The following FAF1 variants were observed in gnomAD, a reference collection of about 807,000 sequenced individuals.
FAF1 encodes Fas associated factor 1, also known as FAS-associated factor 1.
A neutral mutation model predicts 92.5 loss-of-function variants in FAF1; 25 were observed. The observed-to-expected ratio is 0.27, with a 90% CI of 0.20 to 0.38. The LOEUF is 0.38. Among genes scored for constraint, FAF1 ranks in the 10% least tolerant of loss-of-function variants. The pLI is 1.00. For missense variants in FAF1, 636 were observed against 793.3 expected (o/e 0.80, Z 2.38); for synonymous variants, 234 against 273.2 (o/e 0.86, Z 1.42).
chr1:50,540,799 T>C (rs1471699449), intron 13 of FAF1, among the ~76,000 whole-genome samples: 1 of 152,148 alleles, frequency 6.6e-6, no homozygotes, highest in Admixed American at 6.6e-5. Flanking sequence ...TCCAATTTAA[T>C]AAAGTCTGTA....
At chr1:50,458,098 A>T (rs1382924604) in intron 18 of FAF1, among the ~76,000 whole-genome samples, 1 of 152,030 alleles carries the variant, frequency 6.6e-6, no homozygotes, top group African/African-American at 2.4e-5. Flanking sequence ...CTGTAATCCC[A>T]GCTACTTGGG....
At chr1:50,610,229 A>T (rs966355705) in intron 8 of FAF1, among the ~76,000 whole-genome samples, 1 of 152,194 alleles carries the variant, frequency 6.6e-6, no homozygotes, top group Non-Finnish European at 1.5e-5. Flanking sequence ...TATGATCCAT[A>T]TGATGATATG....
At chr1:50,561,706 G>C (rs558600800) in intron 13 of FAF1, among the ~76,000 whole-genome samples, 1 of 152,190 alleles carries the variant, frequency 6.6e-6, no homozygotes, top group Admixed American at 6.5e-5. Flanking sequence ...CACACCTGTA[G>C]TTCCAGCTAC....
intron 2 of FAF1, among the ~76,000 whole-genome samples, chr1:50,841,766 G>C (rs557606779): frequency 2.0e-5 from 3 of 152,038 alleles, no homozygotes; most frequent in African/African-American, 4.8e-5. Context: ...TTTTTTTTAA[G>C]TTATTAAGGT....
intron 2 of FAF1, among the ~76,000 whole-genome samples, chr1:50,844,540 T>A (rs1454567940): frequency 6.6e-6 from 1 of 150,930 alleles, no homozygotes; most frequent in African/African-American, 2.4e-5. Flanking sequence ...AAACTGTTTG[T>A]CATATCTAGT....
At chr1:50,753,870 G>A (rs1291747052) in intron 4 of FAF1, among the ~76,000 whole-genome samples, 2 of 149,570 alleles carry the variant, frequency 1.3e-5, no homozygotes, top group Non-Finnish European at 3.0e-5. Flanking sequence ...CAATTCTCTT[G>A]CCTCAGTCTC....
chr1:50,483,168 A>G (rs978610401), intron 17 of FAF1, among the ~76,000 whole-genome samples: 13 of 152,230 alleles, frequency 8.5e-5, no homozygotes, highest in African/African-American at 3.1e-4. Context: ...GTGATGCAAT[A>G]TATGAATTGA....
chr1:50,893,918 TCCCATACTTCCCTCC>T (rs1350170494), intron 1 of FAF1, among the ~76,000 whole-genome samples: 27 of 152,080 alleles, frequency 1.8e-4, no homozygotes, highest in Non-Finnish European at 3.1e-4. Flanking sequence ...CTACAGTCCT[TCCCATACTTCCCTCC>T]CCTTTCCATA....
intron 8 of FAF1, among the ~76,000 whole-genome samples, chr1:50,614,264 G>A (rs1288634934): frequency 1.3e-5 from 2 of 152,082 alleles, no homozygotes; most frequent in African/African-American, 2.4e-5. Context: ...ACTTATTTAC[G>A]TCAATGCCAC....
intron 8 of FAF1, among the ~76,000 whole-genome samples, chr1:50,629,763 G>A (rs1653676335): frequency 6.6e-6 from 1 of 152,012 alleles, no homozygotes; most frequent in Non-Finnish European, 1.5e-5. Context: ...GAAGATTAAA[G>A]ATAAAACATA....
At chr1:50,542,829 A>T (rs9804131) in intron 13 of FAF1, among the ~76,000 whole-genome samples, 4,686 of 152,300 alleles carry the variant, frequency 0.031, 252 homozygotes, top group African/African-American at 0.11. Flanking sequence ...AAATGCTAAA[A>T]TTACAAATTT....
chr1:50,696,119 T>C (rs561672629), intron 7 of FAF1, among the ~76,000 whole-genome samples: 104 of 152,306 alleles, frequency 6.8e-4, no homozygotes, highest in Non-Finnish European at 1.3e-3. Flanking sequence ...AGGTATTACA[T>C]GTGTAAGATA....
At chr1:50,850,915 T>C (rs1018864399) in intron 2 of FAF1, among the ~76,000 whole-genome samples, 3 of 152,206 alleles carry the variant, frequency 2.0e-5, no homozygotes, top group Admixed American at 1.3e-4. Context: ...CAAGGCATCA[T>C]ATTTACAGGT....
At chr1:50,452,125 A>G (rs771214860) in intron 18 of FAF1, 56 of 1,350,022 alleles carry the variant, frequency 4.1e-5, no homozygotes, top group Non-Finnish European at 4.0e-5. Context: ...GAATGAGAAT[A>G]AAGAACATAA....
At chr1:50,555,295 C>CA (rs1557993278) in intron 13 of FAF1, among the ~76,000 whole-genome samples, 150 of 129,654 alleles carry the variant, frequency 1.2e-3, no homozygotes, top group African/African-American at 1.8e-3. Flanking sequence ...ACACACACAC[C>CA]CCCCAAAATA....
chr1:50,694,003 A>C (rs1016920158), intron 7 of FAF1, among the ~76,000 whole-genome samples: 7 of 151,984 alleles, frequency 4.6e-5, no homozygotes, highest in Non-Finnish European at 1.0e-4. Context: ...GTGTCATTAT[A>C]TATATACATG....
chr1:50,759,301 TC>T (rs1378389336), intron 4 of FAF1, among the ~76,000 whole-genome samples: 3 of 32,590 alleles, frequency 9.2e-5, no homozygotes, highest in South Asian at 1.4e-3. Context: ...CCCTCCCCCC[TC>T]CCCCCCACCC....
rs1451432723 is a variant in FAF1, at chr1:50,491,754, G to A, written c.1542C>T (p.Ala514=). Residue 514 remains alanine, a synonymous_variant, in exon 16 of 19, where the codon GCC becomes GCT. Coordinates refer to ENST00000396153, the MANE Select transcript of FAF1 (RefSeq NM_007051.3). ...RENVKREQDE[A]YRLSLEADRA... ...TGTCAGCCTCAAGTGAAAGGCGATA[G>A]GCCTCATCTTGCTCTCTCTTCACAT... is the stretch of plus-strand genomic sequence containing the variant. The A allele has an allele frequency of 2.5e-6, 4 of 1,612,910 alleles. No individual in the cohort carries two copies. In the Admixed American group the frequency reaches 6.7e-5, roughly 27 times the overall value.
chr1:50,503,213 T>C (rs184105206), intron 15 of FAF1, among the ~76,000 whole-genome samples: 1 of 152,178 alleles, frequency 6.6e-6, no homozygotes, highest in Non-Finnish European at 1.5e-5. Flanking sequence ...CTGTTAATAA[T>C]TGCTAAATGG....
Sources: gnomAD v4.1 joint callset for allele counts (sites outside exome capture counted in the v4.1 genomes callset) on GRCh38, gnomAD v4.1.1 for gene constraint, MANE v1.5 for transcripts, NCBI Gene and HGNC (gene_info 2026-07-23, HGNC 2026-07-21) for gene names.